MGAT3: variants seen among roughly 807,000 people sequenced by gnomAD.
The protein encoded by MGAT3 is beta-1,4-mannosyl-glycoprotein 4-beta-N-acetylglucosaminyltransferase.
A neutral mutation model predicts 29.8 loss-of-function variants in MGAT3; 9 were observed. That is an observed-to-expected ratio of 0.30 (90% CI 0.18 to 0.53). The LOEUF (loss-of-function observed/expected upper bound fraction) is 0.53. MGAT3 is among the 20% of genes least tolerant of loss of function. The pLI, the probability that MGAT3 is intolerant of heterozygous loss-of-function variation, is 0.96. For synonymous variants in MGAT3, 397 were observed against 348.9 expected, an observed-to-expected ratio of 1.14 and a Z score of -1.54; for missense variants, 557 against 769.5, an observed-to-expected ratio of 0.72 and a Z score of 3.27.
Position 39,488,253 on chromosome 22 carries a change from G to A in MGAT3, c.906G>A (p.Ser302=). Residue 302 remains serine, a synonymous_variant, in exon 2 of 2, where the codon TCG becomes TCA. Transcript: ENST00000341184. ...CCTTCCTCACCCAGGACGGCGTCTCGCGGCTGCGCAACCTGCGGCCCGACG... is the reference window on the plus strand; with the variant it reads ...CCTTCCTCACCCAGGACGGCGTCTCACGGCTGCGCAACCTGCGGCCCGACG... ...LRTFLTQDGV[S]RLRNLRPDDV... is the part of the protein sequence containing the mutation. 1 of 1,611,528 alleles carries A rather than the reference G, an allele frequency of 6.2e-7. No individual in the cohort carries two copies. The highest frequency in any genetic ancestry group is 8.5e-7 in the Non-Finnish European group (1 of 1,179,850).
At position 39,489,966 on chromosome 22, in the gene MGAT3, C is replaced by G. The variant is rs1310052789; in HGVS notation, c.*1017C>G. 6 of 167,320 alleles carry G rather than the reference C, an allele frequency of 3.6e-5. No homozygotes were observed. The highest frequency in any genetic ancestry group is 1.5e-5 in the Non-Finnish European group (1 of 68,200). The allele number at this position is 167,320 out of a possible 1,614,324, so 10.4% of individuals were successfully genotyped here. The stretch of plus-strand genomic sequence containing the variant: ...AAAGGGGCCATGAGGCTGTCTTGGG[C>G]CCAAAAAGGGACAATAAGGCCAGTT... On this transcript the variant is annotated 3_prime_UTR_variant, in exon 2 of 2. Transcript: ENST00000341184.
intron 1 of MGAT3, among the ~76,000 whole-genome samples, chr22:39,474,133 C>T (rs1333065400): frequency 6.6e-6 from 1 of 152,144 alleles, no homozygotes; most frequent in African/African-American, 2.4e-5. Flanking sequence ...TTGCAGGGAA[C>T]TCTGGGCTCT....
Position 39,489,248 on chromosome 22 carries a change from A to G in MGAT3, c.*299A>G. The G allele has an allele frequency of 2.3e-6, 1 of 435,768 alleles. No individual in the cohort carries two copies. The highest frequency in any genetic ancestry group is 4.3e-6 in the Non-Finnish European group (1 of 234,806). 27.0% of individuals were successfully genotyped at this position (435,768 alleles called of 1,614,324 possible). A position where few individuals can be genotyped will look rare whatever the true frequency, so the allele number is the denominator to read the frequency against. On this transcript the variant is annotated 3_prime_UTR_variant, in exon 2 of 2. Coordinates refer to ENST00000341184, the MANE Select transcript of MGAT3 (RefSeq NM_002409.5). ...GGAGTGTGCGTGGTGGTCCCTGGGTAGCGGGGGAGGGTAGGCAGGATTGGG... is the reference window on the plus strand; with the variant it reads ...GGAGTGTGCGTGGTGGTCCCTGGGTGGCGGGGGAGGGTAGGCAGGATTGGG...
chr22:39,481,729 G>T (rs1207537561), intron 1 of MGAT3, among the ~76,000 whole-genome samples: 1 of 152,150 alleles, frequency 6.6e-6, no homozygotes, highest in Non-Finnish European at 1.5e-5. Context: ...TTTACCACTG[G>T]ATACAACCCC....
At position 39,457,892 on chromosome 22, in the gene MGAT3, G is replaced by A. The variant is rs1928382108; in HGVS notation, c.-2+335G>A. On this transcript the variant is annotated intron_variant, in intron 1 of 1. Coordinates refer to ENST00000341184, the MANE Select transcript of MGAT3 (RefSeq NM_002409.5). The surrounding 1 kb of genome is among the most constrained non-coding windows in gnomAD (Gnocchi z 6.8). ...GCGGGGCTCGAGCCGTGCTTTGTGC[G>A]CGGCACCCCCCAGCCTCCGGCGCGG... Among the ~76,000 whole-genome samples the A allele has an allele frequency of 6.6e-6, 1 of 151,480 alleles. No homozygotes were observed.
intron 1 of MGAT3, among the ~76,000 whole-genome samples, chr22:39,475,150 T>TTTA (rs869025760): frequency 7.7e-6 from 1 of 130,550 alleles, no homozygotes; most frequent in African/African-American, 2.9e-5. Context: ...TTTTTTTTTT[T>TTTA]AACTGTAGAA....
In MGAT3 at chr22:39,457,200, G is replaced by A. The variant is rs921165058; in HGVS notation, c.-359G>A. On this transcript the variant is annotated 5_prime_UTR_variant, in exon 1 of 2. Transcript: ENST00000341184. This position sits in a 1 kb window ranked among gnomAD's most constrained non-coding sequence, Gnocchi z 6.8. ...GGGCCGGAGCCGCTTGAGCCGGCGG[G>A]AGCGGGCACCCCTGCGCGCCGCGCT... 3.5e-5 allele frequency: 5 copies of A among 144,900 alleles called. No individual in the cohort carries two copies. Among genetic ancestry groups the A allele is most frequent in the African/African-American group, 1.2e-4 (5 of 40,430 alleles). 9.0% of individuals were successfully genotyped at this position (144,900 alleles called of 1,614,324 possible). A position where few individuals can be genotyped will look rare whatever the true frequency, so the allele number is the denominator to read the frequency against.
chr22:39,464,361 TG>T (rs1389413572), intron 1 of MGAT3, among the ~76,000 whole-genome samples: 2 of 151,598 alleles, frequency 1.3e-5, no homozygotes, highest in African/African-American at 4.8e-5. Context: ...GGGGATGGGT[TG>T]GGCCCCCGGG....
At chr22:39,474,023 T>C (rs1011373800) in intron 1 of MGAT3, among the ~76,000 whole-genome samples, 1 of 152,022 alleles carries the variant, frequency 6.6e-6, no homozygotes, top group Non-Finnish European at 1.5e-5. Flanking sequence ...TGAGCCTCCT[T>C]TAAGCTGCAG....
rs201303175 is a variant in MGAT3 at position 39,488,125 on chromosome 22, G to A, written c.778G>A (p.Gly260Ser). Residue 260 changes from glycine to serine, a missense_variant, in exon 2 of 2, where the codon GGC (glycine) becomes AGC (serine). This residue lies in a region of MGAT3 where 243 missense variants were observed against 444.0 expected (regional missense o/e 0.55). Coordinates refer to ENST00000341184, the MANE Select transcript of MGAT3 (RefSeq NM_002409.5). ...CAAGTTCCGGGAGATGCTGACCAAT[G>A]GCACCTTCGAGTACATCCGCCACAA... The part of the protein sequence containing the change: ...PLKFREMLTN[G>S]TFEYIRHKVL... 26 of 1,612,804 alleles carry A rather than the reference G, an allele frequency of 1.6e-5. No individual in the cohort carries two copies. Among genetic ancestry groups the A allele is most frequent in the Non-Finnish European group, 4.2e-6 (5 of 1,179,882 alleles).
chr22:39,461,754 A>G (rs1928503856), intron 1 of MGAT3, among the ~76,000 whole-genome samples: 1 of 152,030 alleles, frequency 6.6e-6, no homozygotes, highest in Admixed American at 6.6e-5. Context: ...CCGATGCTAC[A>G]GCCCCTCCCA....
chr22:39,466,677 G>C lies in MGAT3; in HGVS notation c.-2+9120G>C, dbSNP rs141910194. Among the ~76,000 whole-genome samples the C allele has an allele frequency of 1.2e-3, 182 of 152,298 alleles. 3 individuals are homozygous for C. The East Asian group carries it at 0.033, about 27-fold the overall frequency. On this transcript the variant is annotated intron_variant, in intron 1 of 1. Coordinates refer to ENST00000341184, the MANE Select transcript of MGAT3 (RefSeq NM_002409.5). The stretch of plus-strand genomic sequence containing the variant: ...CTGCCCCTCCCAGACAGAGGTGCCC[G>C]CAGGGCAGGAGCCAGGGCTGCTTGT...
intron 1 of MGAT3, among the ~76,000 whole-genome samples, chr22:39,486,792 C>T (rs542992229): frequency 1.6e-4 from 25 of 152,324 alleles, no homozygotes; most frequent in East Asian, 9.6e-4. Context: ...TGAGCCACCA[C>T]GCCTGGCCTA....
intron 1 of MGAT3, among the ~76,000 whole-genome samples, chr22:39,480,241 A>G (rs1270917975): frequency 2.0e-5 from 3 of 152,210 alleles, no homozygotes; most frequent in Non-Finnish European, 4.4e-5. Flanking sequence ...GAGCCAGAGT[A>G]TGGCATTTGT....
At chr22:39,479,838 G>A (rs994330184) in intron 1 of MGAT3, among the ~76,000 whole-genome samples, 3 of 152,166 alleles carry the variant, frequency 2.0e-5, no homozygotes, top group African/African-American at 7.2e-5. Context: ...GGCAGTGCGG[G>A]GTGATCTCAT....
rs775063824 is a variant in MGAT3, at chr22:39,487,674, G to A, written c.327G>A (p.Val109=). The change falls in exon 2 of 2, where the codon GTG becomes GTA. Residue 109 remains valine, a synonymous_variant. Coordinates refer to ENST00000341184, the MANE Select transcript of MGAT3 (RefSeq NM_002409.5). This position sits in a 1 kb window ranked among gnomAD's most constrained non-coding sequence, Gnocchi z 5.7. ...CCGAGGACACCACCGAGTATTTCGT[G>A]CGCACCAAGGCCGGCGGCGTCTGCT... The part of the protein sequence containing the change: ...VLPEDTTEYF[V]RTKAGGVCFK... 6 of 1,602,988 alleles carry A rather than the reference G, an allele frequency of 3.7e-6. No individual in the cohort carries two copies. In the South Asian group the frequency reaches 6.6e-5, roughly 18 times the overall value.
At position 39,480,099 on chromosome 22, in the gene MGAT3, C is replaced by T. The variant is rs144843427; in HGVS notation, c.-1-7248C>T. 3.0e-4 allele frequency among the ~76,000 whole-genome samples: 46 copies of T among 152,238 alleles called. 1 individual carries two copies. The East Asian group carries it at 6.9e-3, about 23-fold the overall frequency. ...TAGGAACATTGATGATGATGAGGAG[C>T]TGGGGGAGGTTGGGAGAGTTCGGGA... is the stretch of plus-strand genomic sequence containing the variant. On this transcript the variant is annotated intron_variant, in intron 1 of 1. Transcript: ENST00000341184.
At chr22:39,481,279 G>C (rs935513172) in intron 1 of MGAT3, among the ~76,000 whole-genome samples, 1 of 151,904 alleles carries the variant, frequency 6.6e-6, no homozygotes. Context: ...CCTCCTCGGT[G>C]AGCCTGCCCT....
chr22:39,486,068 C>G (rs1330484786), intron 1 of MGAT3: 1 of 366,838 alleles, frequency 2.7e-6, no homozygotes, highest in Non-Finnish European at 5.2e-6. Flanking sequence ...GACTTAGTGT[C>G]CAATATGGTA....
Sources: allele counts gnomAD v4.1 joint callset (sites outside exome capture counted in the v4.1 genomes callset), GRCh38; gene constraint gnomAD v4.1.1; regional missense constraint gnomAD v4.1.1; non-coding constraint Gnocchi (gnomAD v3.1); transcripts MANE v1.5; gene names NCBI Gene and HGNC (gene_info 2026-07-23, HGNC 2026-07-21).